Variants in FOXP1 observed in about 807,000 individuals in gnomAD.
FOXP1 encodes forkhead box protein P1.
A neutral mutation model predicts 98.2 loss-of-function variants in FOXP1; 15 were observed. That is an observed-to-expected ratio of 0.15 (90% confidence interval 0.10 to 0.24). The LOEUF is 0.24. Ranked by LOEUF, FOXP1 falls within the 10% of genes least tolerant of loss-of-function variation. The pLI is 1.00. For missense variants in FOXP1, 633 were observed against 848.5 expected (o/e 0.75, Z 3.15); for synonymous variants, 371 against 314.5 (o/e 1.18, Z -1.90).
intron 6 of FOXP1, among the ~76,000 whole-genome samples, chr3:71,118,777 T>C (rs910570193): frequency 1.3e-5 from 2 of 152,266 alleles, no homozygotes; most frequent in Admixed American, 6.5e-5. Flanking sequence ...TATTATGACA[T>C]GTGAAACTTA....
chr3:71,437,083 CTT>C (rs2085439593), intron 3 of FOXP1, among the ~76,000 whole-genome samples: 1 of 152,252 alleles, frequency 6.6e-6, no homozygotes, highest in South Asian at 2.1e-4. Flanking sequence ...TTCTCAGTCT[CTT>C]TGATCCAACA....
At chr3:70,973,842 C>G (rs1203570739) in intron 17 of FOXP1, among the ~76,000 whole-genome samples, 1 of 103,780 alleles carries the variant, frequency 9.6e-6, no homozygotes, top group Non-Finnish European at 2.0e-5. Flanking sequence ...ACCGCCCCCC[C>G]CCCCCCACCC....
At chr3:71,158,160 G>T (rs2060939094) in intron 6 of FOXP1, among the ~76,000 whole-genome samples, 1 of 61,482 alleles carries the variant, frequency 1.6e-5, no homozygotes, top group Non-Finnish European at 4.1e-5. Flanking sequence ...AGGGAGGGAG[G>T]CAGGGAAGGA....
chr3:71,145,225 T>A (rs1166641824), intron 6 of FOXP1, among the ~76,000 whole-genome samples: 7 of 152,174 alleles, frequency 4.6e-5, no homozygotes, highest in Non-Finnish European at 1.0e-4. Flanking sequence ...TTTATTTTTA[T>A]TTATTTATTT....
At chr3:71,475,522 T>C (rs186630060) in intron 3 of FOXP1, among the ~76,000 whole-genome samples, 1 of 152,226 alleles carries the variant, frequency 6.6e-6, no homozygotes, top group African/African-American at 2.4e-5. Flanking sequence ...TCTTGCATTA[T>C]ACAACAGCAT....
intron 9 of FOXP1, among the ~76,000 whole-genome samples, chr3:71,049,632 GA>G (rs1205410669): frequency 2.0e-5 from 3 of 150,630 alleles, no homozygotes; most frequent in Non-Finnish European, 3.0e-5. Flanking sequence ...ATCAAAACAG[GA>G]AAAAAAGGGG....
At chr3:70,971,138 G>GGAGGTCGTGCTGGGGAAGGCAGT (rs1451977107) in intron 18 of FOXP1, 35 of 358,084 alleles carry the variant, frequency 9.8e-5, no homozygotes, top group Non-Finnish European at 1.6e-4. Context: ...CAGCAGCCTA[G>GGAGGTCGTGCTGGGGAAGGCAGT]GAGGTCGTGC....
intron 20 of FOXP1, among the ~76,000 whole-genome samples, chr3:70,962,763 G>GATC (rs1385560521): frequency 6.6e-6 from 1 of 152,138 alleles, no homozygotes; most frequent in Non-Finnish European, 1.5e-5. Flanking sequence ...AAGAATGTAA[G>GATC]ATCATACAAG....
intron 2 of FOXP1, among the ~76,000 whole-genome samples, chr3:71,548,930 C>T (rs990911250): frequency 6.6e-6 from 1 of 152,090 alleles, no homozygotes; most frequent in African/African-American, 2.4e-5. Flanking sequence ...GTAAATATTG[C>T]CATTTTACAG....
At chr3:71,120,137 T>TA (rs1402254533) in intron 6 of FOXP1, among the ~76,000 whole-genome samples, 1 of 152,174 alleles carries the variant, frequency 6.6e-6, no homozygotes, top group Admixed American at 6.5e-5. Flanking sequence ...CAACAAAACT[T>TA]ACAGGGGGTA....
chr3:71,232,654 T>C (rs1163685185), intron 5 of FOXP1, among the ~76,000 whole-genome samples: 2 of 151,252 alleles, frequency 1.3e-5, no homozygotes, highest in Non-Finnish European at 2.9e-5. Flanking sequence ...ATCCCAACAC[T>C]TTGGGAGGTG....
At chr3:71,123,714 T>G (rs1047082699) in intron 6 of FOXP1, among the ~76,000 whole-genome samples, 8 of 152,154 alleles carry the variant, frequency 5.3e-5, no homozygotes, top group Non-Finnish European at 1.0e-4. Flanking sequence ...TTTCCAGCTC[T>G]TTTTTTAAGC....
intron 12 of FOXP1, among the ~76,000 whole-genome samples, chr3:71,012,348 A>G (rs2043776566): frequency 6.6e-6 from 1 of 152,210 alleles, no homozygotes; most frequent in Non-Finnish European, 1.5e-5. Flanking sequence ...GAACAAAACT[A>G]AGATTCTATA....
intron 3 of FOXP1, among the ~76,000 whole-genome samples, chr3:71,489,471 C>T (rs1310204781): frequency 1.3e-5 from 2 of 152,200 alleles, no homozygotes; most frequent in East Asian, 3.8e-4. Context: ...CTCTAGTCAG[C>T]CCTTCTCAAA....
chr3:71,104,130 G>A (rs939401259), intron 7 of FOXP1, among the ~76,000 whole-genome samples: 3 of 152,114 alleles, frequency 2.0e-5, no homozygotes, highest in African/African-American at 7.2e-5. Flanking sequence ...GCGCATCATC[G>A]TCTATACTCC....
At chr3:71,299,486 T>C (rs1334346639) in intron 5 of FOXP1, among the ~76,000 whole-genome samples, 2 of 152,232 alleles carry the variant, frequency 1.3e-5, no homozygotes, top group African/African-American at 4.8e-5. Flanking sequence ...GTTAATTTTA[T>C]GAATCACCAC....
At chr3:71,440,045 A>C (rs778450928) in intron 3 of FOXP1, among the ~76,000 whole-genome samples, 7 of 152,328 alleles carry the variant, frequency 4.6e-5, no homozygotes, top group Non-Finnish European at 1.0e-4. Context: ...AGTCACAAAA[A>C]GACAAATACT....
At chr3:71,567,550 T>C (rs1397061048) in intron 2 of FOXP1, among the ~76,000 whole-genome samples, 2 of 152,206 alleles carry the variant, frequency 1.3e-5, no homozygotes, top group Non-Finnish European at 2.9e-5. Context: ...TTCAAACCAG[T>C]TGGACTTATA....
intron 3 of FOXP1, among the ~76,000 whole-genome samples, chr3:71,376,913 C>T (rs1183000953): frequency 1.3e-5 from 2 of 151,974 alleles, no homozygotes; most frequent in Non-Finnish European, 2.9e-5. Context: ...CACAATTATA[C>T]CTATCATATG....
Sources: allele counts gnomAD v4.1 joint callset (sites outside exome capture counted in the v4.1 genomes callset), GRCh38; gene constraint gnomAD v4.1.1; transcripts MANE v1.5; gene names NCBI Gene and HGNC (gene_info 2026-07-23, HGNC 2026-07-21).